The following CMC2 variants were observed in gnomAD, a reference collection of about 807,000 sequenced individuals.
CMC2 encodes COX assembly mitochondrial protein 2 homolog.
In CMC2, 5 loss-of-function variants were observed where a neutral mutation model predicts 7.5. The observed-to-expected ratio is 0.66, with a 90% CI of 0.35 to 1.40. The LOEUF (loss-of-function observed/expected upper bound fraction) is 1.40, where lower values mean the gene tolerates loss of function less well. Ranked by LOEUF, CMC2 falls within the 40% of genes most tolerant of loss-of-function variation. The pLI, the probability that CMC2 is intolerant of heterozygous loss-of-function variation, is 0.04. For missense variants in CMC2, 115 were observed against 92.3 expected (o/e 1.25, Z -1.01); for synonymous variants, 37 against 31.4 (o/e 1.18, Z -0.60).
chr16:81,003,965 G>A (rs962779578), intron 1 of CMC2, among the ~76,000 whole-genome samples: 1 of 152,246 alleles, frequency 6.6e-6, no homozygotes, highest in Non-Finnish European at 1.5e-5. Flanking sequence ...GCTCACGCCT[G>A]TAATCTCAGA....
intron 2 of CMC2, among the ~76,000 whole-genome samples, chr16:80,991,166 A>G (rs1967964360): frequency 6.6e-6 from 1 of 152,192 alleles, no homozygotes; most frequent in African/African-American, 2.4e-5. Flanking sequence ...CCATACTGAC[A>G]TAAGTAAATA....
At chr16:80,994,548 C>G (rs1247505207) in intron 2 of CMC2, among the ~76,000 whole-genome samples, 1 of 151,886 alleles carries the variant, frequency 6.6e-6, no homozygotes, top group Non-Finnish European at 1.5e-5. Flanking sequence ...TTTTAAAATA[C>G]AGGCAAAAAA....
At chr16:81,006,706 CG>C in intron 1 of CMC2, 27 bp downstream of exon 1, 2 of 985,378 alleles carry the variant, frequency 2.0e-6, no homozygotes, top group Non-Finnish European at 2.4e-6. Flanking sequence ...GGAACGCGTT[CG>C]GAACGGCCTG....
intron 2 of CMC2, chr16:80,988,545 C>T (rs1382271099): frequency 3.7e-5 from 26 of 701,918 alleles, no homozygotes; most frequent in Middle Eastern, 2.3e-4. Context: ...CTTACATATA[C>T]ACCCGAGCTT....
intron 1 of CMC2, among the ~76,000 whole-genome samples, chr16:81,003,382 T>G (rs1322173310): frequency 6.6e-6 from 1 of 152,250 alleles, no homozygotes; most frequent in Non-Finnish European, 1.5e-5. Flanking sequence ...TGTTGAACAC[T>G]TGCCAAGTGC....
rs1439139566 is a variant in CMC2, at chr16:80,968,708, T to G, written c.*7385A>C. On this transcript the variant is annotated 3_prime_UTR_variant, in exon 4 of 4. Transcript: ENST00000219400. ...CTATCTACAAATACTAGATAGCATATATCAAATATAGTTTTTAAAGGTGTA... is the reference window on the plus strand; with the variant it reads ...CTATCTACAAATACTAGATAGCATAGATCAAATATAGTTTTTAAAGGTGTA... 1 of 152,154 alleles carries G rather than the reference T, an allele frequency of 6.6e-6. No homozygotes were observed. Among genetic ancestry groups the G allele is most frequent in the African/African-American group, 2.4e-5 (1 of 41,430 alleles). 9.4% of individuals were successfully genotyped at this position (152,154 alleles called of 1,614,324 possible).
intron 1 of CMC2, among the ~76,000 whole-genome samples, chr16:81,004,500 A>C (rs1457696965): frequency 6.6e-6 from 1 of 152,188 alleles, no homozygotes; most frequent in Non-Finnish European, 1.5e-5. Flanking sequence ...AAACATCAAA[A>C]AGGTAAACTT....
intron 2 of CMC2, 52 bp downstream of exon 2, chr16:80,997,262 G>T (rs1968499371): frequency 2.1e-6 from 2 of 963,964 alleles, no homozygotes; most frequent in Middle Eastern, 2.1e-4. Flanking sequence ...TACATCAGTG[G>T]GTTATAACTA....
At chr16:80,986,267 T>C (rs1319998510) in intron 2 of CMC2, among the ~76,000 whole-genome samples, 1 of 152,066 alleles carries the variant, frequency 6.6e-6, no homozygotes, top group African/African-American at 2.4e-5. Flanking sequence ...GGAGAATCGC[T>C]TGAACCGGAG....
rs565931934 is a variant in CMC2, at chr16:81,006,169, G to A, written c.-36+565C>T. Among the ~76,000 whole-genome samples the A allele has an allele frequency of 9.6e-4, 146 of 151,994 alleles. 1 individual carries two copies. The highest frequency in any genetic ancestry group is 4.9e-4 in the Non-Finnish European group (33 of 67,994). On this transcript the variant is annotated intron_variant, in intron 1 of 3. Coordinates refer to ENST00000219400, the MANE Select transcript of CMC2 (RefSeq NM_020188.5). The stretch of plus-strand genomic sequence containing the variant: ...TGATCTTTAAACGCAAGAAAAGCAA[G>A]ATGAATGTATTACTTTCCTGGAAAA...
At chr16:81,006,025 G>T (rs1051827085) in intron 1 of CMC2, among the ~76,000 whole-genome samples, 1 of 152,164 alleles carries the variant, frequency 6.6e-6, no homozygotes, top group Admixed American at 6.5e-5. Flanking sequence ...ACATATAAAG[G>T]AGAGGAGATA....
At chr16:80,985,040 C>G (rs915741953) in intron 2 of CMC2, among the ~76,000 whole-genome samples, 1 of 152,122 alleles carries the variant, frequency 6.6e-6, no homozygotes, top group African/African-American at 2.4e-5. Context: ...ATCTGCGAAC[C>G]TTTTACATAA....
Position 81,004,014 on chromosome 16 carries a change from G to C in CMC2, c.-36+2720C>G, listed in dbSNP as rs867538280. Among the ~76,000 whole-genome samples the C allele has an allele frequency of 2.0e-5, 3 of 152,346 alleles. No individual in the cohort carries two copies. The South Asian group carries it at 6.2e-4, about 32-fold the overall frequency. Reference sequence around the variant, plus strand: ...GAGGTGGGCAGATCACTTGAGGTCAGGAGTTCGAGACCAGCCTAGCCAACA... The same window carrying C: ...GAGGTGGGCAGATCACTTGAGGTCACGAGTTCGAGACCAGCCTAGCCAACA... On this transcript the variant is annotated intron_variant, in intron 1 of 3. Coordinates refer to ENST00000219400, the MANE Select transcript of CMC2 (RefSeq NM_020188.5).
At chr16:80,988,816 T>G (rs371661756) in intron 2 of CMC2, among the ~76,000 whole-genome samples, 1 of 142,424 alleles carries the variant, frequency 7.0e-6, no homozygotes, top group Non-Finnish European at 1.6e-5. Context: ...CTTTTTTTTT[T>G]CCAACTCTAA....
At chr16:81,000,339 T>C (rs1174929289) in intron 1 of CMC2, among the ~76,000 whole-genome samples, 3 of 152,078 alleles carry the variant, frequency 2.0e-5, no homozygotes, top group South Asian at 2.1e-4. Flanking sequence ...CTACTAAAGA[T>C]GCAAAAATTA....
At chr16:80,978,783 C>A (rs1053215037) in intron 3 of CMC2, among the ~76,000 whole-genome samples, 1 of 151,978 alleles carries the variant, frequency 6.6e-6, no homozygotes, top group East Asian at 1.9e-4. Context: ...CCTTTTTCTA[C>A]TTAAAAGCTT....
At chr16:81,005,640 T>C (rs1284693010) in intron 1 of CMC2, among the ~76,000 whole-genome samples, 1 of 152,022 alleles carries the variant, frequency 6.6e-6, no homozygotes, top group African/African-American at 2.4e-5. Flanking sequence ...GCTGGCACTG[T>C]AGACCCCATG....
chr16:80,988,598 TA>T (rs34522854), intron 2 of CMC2: 503,867 of 700,870 alleles, frequency 0.72, 185,848 homozygotes, highest in South Asian at 0.8. Context: ...GCACGTTTCC[TA>T]AAAAAAACAA....
rs963795956 is a variant in CMC2 at position 80,970,766 on chromosome 16, A to G, written c.*5327T>C. 1 of 152,216 alleles carries G rather than the reference A, an allele frequency of 6.6e-6. No individual in the cohort carries two copies. Among genetic ancestry groups the G allele is most frequent in the Admixed American group, 6.5e-5 (1 of 15,286 alleles). The allele number at this position is 152,216 out of a possible 1,614,324, so 9.4% of individuals were successfully genotyped here. A position where few individuals can be genotyped will look rare whatever the true frequency, so the allele number is the denominator to read the frequency against. On this transcript the variant is annotated 3_prime_UTR_variant, in exon 4 of 4. Transcript: ENST00000219400. ...ATATACAGAAGTCAATTACACTCCA[A>G]TGTATCAGTAATAGGAAATTAGAAT...
Sources: gnomAD v4.1 joint callset for allele counts (sites outside exome capture counted in the v4.1 genomes callset) on GRCh38, gnomAD v4.1.1 for gene constraint, MANE v1.5 for transcripts, NCBI Gene and HGNC (gene_info 2026-07-23, HGNC 2026-07-21) for gene names.